Variants in NFXL1 observed in about 807,000 individuals in gnomAD.
The protein encoded by NFXL1 is nuclear transcription factor, X-box binding like 1.
In NFXL1, 66 loss-of-function variants were observed where a neutral mutation model predicts 123.3. The observed-to-expected ratio is 0.54, with a 90% CI of 0.44 to 0.66. The LOEUF (loss-of-function observed/expected upper bound fraction) is 0.66, where lower values mean the gene tolerates loss of function less well. Among genes scored for constraint, NFXL1 ranks in the 30% least tolerant of loss-of-function variants. NFXL1 has a pLI of 0.00. For missense variants in NFXL1, 944 were observed against 1,125.6 expected (o/e 0.84, Z 2.31); for synonymous variants, 346 against 360.8 (o/e 0.96, Z 0.46).
At chr4:47,897,527 C>A (rs1560601149) in intron 9 of NFXL1, among the ~76,000 whole-genome samples, 2 of 152,096 alleles carry the variant, frequency 1.3e-5, no homozygotes, top group Non-Finnish European at 2.9e-5. Flanking sequence ...AGCACAGCCT[C>A]CCCTATTGTC....
intron 9 of NFXL1, among the ~76,000 whole-genome samples, chr4:47,897,180 CA>C (rs1737133587): frequency 6.6e-6 from 1 of 152,044 alleles, no homozygotes; most frequent in African/African-American, 2.4e-5. Flanking sequence ...GGCATGGTGA[CA>C]GGTGCCTGTA....
rs1055938903 is a variant in NFXL1, at chr4:47,894,266, T to C, written c.1366A>G (p.Lys456Glu). The C allele has an allele frequency of 6.2e-7, 1 of 1,602,830 alleles. No homozygotes were observed. The highest frequency in any genetic ancestry group is 8.5e-7 in the Non-Finnish European group (1 of 1,173,876). The change falls in exon 11 of 23, where the codon AAA (lysine) becomes GAA (glutamate). Residue 456 changes from lysine (K) to glutamate (E), a missense_variant. This residue lies in a region of NFXL1 where 296 missense variants were observed against 395.1 expected (regional missense o/e 0.75). Transcript: ENST00000507489. ...TAAGGTTTATGACAAGGCATTCGTTTTGTATGCTTTCCACAGCGACAATGC... is the reference window on the plus strand; with the variant it reads ...TAAGGTTTATGACAAGGCATTCGTTCTGTATGCTTTCCACAGCGACAATGC... ...EKHCRCGKHTKRMPCHKPYLC... is the reference protein window; with the variant it reads ...EKHCRCGKHTERMPCHKPYLC...
At chr4:47,896,434 T>G (rs368219012) in intron 10 of NFXL1, 89 bp downstream of exon 10, 1 of 1,000,430 alleles carries the variant, frequency 1.0e-6, no homozygotes, top group Non-Finnish European at 1.5e-6. Context: ...TATATGAAAA[T>G]AAGTAATAGA....
chr4:47,879,220 A>G (rs1560591569), intron 15 of NFXL1, 103 bp from the exon 16 acceptor site: 8 of 476,336 alleles, frequency 1.7e-5, no homozygotes, highest in Non-Finnish European at 2.6e-5. Flanking sequence ...ATACATATGG[A>G]ATAAGCAATT....
At chr4:47,884,706 A>G (rs1043730842) in intron 14 of NFXL1, among the ~76,000 whole-genome samples, 1 of 152,188 alleles carries the variant, frequency 6.6e-6, no homozygotes, top group Admixed American at 6.5e-5. Context: ...TACTTCCAAT[A>G]AGGAAATGAG....
At chr4:47,904,335 T>C (rs576944227) in intron 4 of NFXL1, among the ~76,000 whole-genome samples, 10 of 152,336 alleles carry the variant, frequency 6.6e-5, no homozygotes, top group African/African-American at 2.4e-4. Flanking sequence ...AACTCCCCAG[T>C]GCTTCTGCAC....
At chr4:47,863,795 CA>C (rs1734899075) in intron 18 of NFXL1, among the ~76,000 whole-genome samples, 1 of 152,148 alleles carries the variant, frequency 6.6e-6, no homozygotes, top group African/African-American at 2.4e-5. Context: ...TCACAAACAC[CA>C]AGGAATAAAC....
At chr4:47,914,261 G>C (rs1737999624) in intron 1 of NFXL1, 56 bp from the exon 2 acceptor site, 1 of 1,305,474 alleles carries the variant, frequency 7.7e-7, no homozygotes, top group Non-Finnish European at 1.0e-6. Context: ...AGCGAGGACC[G>C]AGGCGAAGGA....
At chr4:47,904,077 C>A (rs1054999175) in intron 4 of NFXL1, among the ~76,000 whole-genome samples, 1 of 152,086 alleles carries the variant, frequency 6.6e-6, no homozygotes, top group Non-Finnish European at 1.5e-5. Context: ...TGGGTTACCC[C>A]CAAAGCGGTA....
At chr4:47,895,349 T>C (rs1737023544) in intron 10 of NFXL1, among the ~76,000 whole-genome samples, 1 of 152,234 alleles carries the variant, frequency 6.6e-6, no homozygotes, top group Non-Finnish European at 1.5e-5. Flanking sequence ...GGTTTGAAGC[T>C]TTAACTGTGA....
At chr4:47,895,997 A>C (rs1413114752) in intron 10 of NFXL1, among the ~76,000 whole-genome samples, 1 of 152,176 alleles carries the variant, frequency 6.6e-6, no homozygotes, top group African/African-American at 2.4e-5. Context: ...AGGGAATAGG[A>C]AGGCCCAAGG....
At chr4:47,886,037 C>T in intron 12 of NFXL1, 38 bp from the exon 13 acceptor site, 1 of 1,597,214 alleles carries the variant, frequency 6.3e-7, no homozygotes, top group Non-Finnish European at 8.6e-7. Flanking sequence ...GTTTCCTTAA[C>T]TACCCAAATG....
intron 3 of NFXL1, among the ~76,000 whole-genome samples, chr4:47,908,590 T>C (rs1237326421): frequency 6.6e-6 from 1 of 152,090 alleles, no homozygotes; most frequent in Non-Finnish European, 1.5e-5. Context: ...AAGGAACACA[T>C]TAGTATAGTG....
At position 47,847,918 on chromosome 4, in the gene NFXL1, T is replaced by C; in HGVS notation, c.*245A>G. On this transcript the variant is annotated 3_prime_UTR_variant, in exon 23 of 23. Coordinates refer to ENST00000507489, the MANE Select transcript of NFXL1 (RefSeq NM_001278624.2). ...ATGAACAAAAACACGTTACTCTGCC[T>C]CTAGCTAAGCCTTATGAAATATTTT... 3.3e-6 allele frequency: 1 copy of C among 302,204 alleles called. No individual in the cohort carries two copies. Among genetic ancestry groups the C allele is most frequent in the Non-Finnish European group, 6.0e-6 (1 of 166,498 alleles). The allele number at this position is 302,204 out of a possible 1,614,324, so 18.7% of individuals were successfully genotyped here.
At chr4:47,888,223 G>A (rs893939108) in intron 12 of NFXL1, among the ~76,000 whole-genome samples, 7 of 152,128 alleles carry the variant, frequency 4.6e-5, no homozygotes, top group African/African-American at 1.2e-4. Context: ...GCAGTGAGCC[G>A]GGATTGCGCC....
intron 3 of NFXL1, among the ~76,000 whole-genome samples, chr4:47,908,607 G>A (rs1208131434): frequency 7.5e-6 from 1 of 132,868 alleles, no homozygotes; most frequent in East Asian, 2.2e-4. Context: ...AGTGTAGATG[G>A]AGAGAGCTTA....
At chr4:47,868,956 C>T (rs1050616050) in intron 18 of NFXL1, among the ~76,000 whole-genome samples, 1 of 152,198 alleles carries the variant, frequency 6.6e-6, no homozygotes, top group Non-Finnish European at 1.5e-5. Context: ...CATGATGGCT[C>T]ATGCCTGTAA....
At chr4:47,852,333 G>A (rs1466513283) in intron 20 of NFXL1, 2 of 172,704 alleles carry the variant, frequency 1.2e-5, no homozygotes, top group Non-Finnish European at 2.4e-5. Context: ...ATGGAATGTT[G>A]TAAATCTGCA....
Position 47,884,473 on chromosome 4 carries a change from G to A in NFXL1, c.1825-36C>T. Reference sequence around the variant, plus strand: ...AATACATAAGAATTTTAAGTCAGAGGGATTAAATCATATGGCCATTTTAAG... The same window carrying A: ...AATACATAAGAATTTTAAGTCAGAGAGATTAAATCATATGGCCATTTTAAG... On this transcript the variant is annotated intron_variant, in intron 14 of 22. Transcript: ENST00000507489. 6.2e-6 allele frequency: 8 copies of A among 1,295,370 alleles called. 1 individual carries two copies. The highest frequency in any genetic ancestry group is 3.7e-4 in the Middle Eastern group (2 of 5,388). The allele number at this position is 1,295,370 out of a possible 1,614,324, so 80.2% of individuals were successfully genotyped here. A position where few individuals can be genotyped will look rare whatever the true frequency, so the allele number is the denominator to read the frequency against.
Sources: gnomAD v4.1 joint callset for allele counts (sites outside exome capture counted in the v4.1 genomes callset) on GRCh38, gnomAD v4.1.1 for gene constraint, gnomAD v4.1.1 regional missense constraint, MANE v1.5 for transcripts, NCBI Gene and HGNC (gene_info 2026-07-23, HGNC 2026-07-21) for gene names.